TTC28: variants seen among roughly 807,000 people sequenced by gnomAD.
TTC28 encodes the protein tetratricopeptide repeat domain 28.
TTC28 carries 61 observed loss-of-function variants against 198.0 expected under a neutral mutation model. That is an observed-to-expected ratio of 0.31 (90% CI 0.25 to 0.38). The LOEUF is 0.38. Among genes scored for constraint, TTC28 ranks in the 10% least tolerant of loss-of-function variants. The probability of loss-of-function intolerance (pLI) is 1.00; values close to 1 mark genes in which losing one functional copy is unlikely to be tolerated. For synonymous variants in TTC28, 1,171 were observed against 1,297.8 expected, an observed-to-expected ratio of 0.90 and a Z score of 2.10; for missense variants, 2,678 against 3,164.0, an observed-to-expected ratio of 0.85 and a Z score of 3.69.
intron 5 of TTC28, among the ~76,000 whole-genome samples, chr22:28,217,641 A>T (rs1927511479): frequency 6.6e-6 from 1 of 152,222 alleles, no homozygotes; most frequent in African/African-American, 2.4e-5. Flanking sequence ...GGCATGTAAG[A>T]ACAAGAAGCA....
At chr22:28,518,652 A>C (rs2048839476) in intron 2 of TTC28, among the ~76,000 whole-genome samples, 1 of 152,240 alleles carries the variant, frequency 6.6e-6, no homozygotes, top group Non-Finnish European at 1.5e-5. Context: ...AATAAGTATA[A>C]ACACATACAA....
intron 5 of TTC28, among the ~76,000 whole-genome samples, chr22:28,233,101 T>C (rs1037677587): frequency 6.6e-5 from 10 of 150,614 alleles, no homozygotes; most frequent in Middle Eastern, 3.4e-3. Context: ...AAACTCTGTC[T>C]CAAAAAAAAA....
At chr22:28,433,040 G>C (rs1378136610) in intron 2 of TTC28, among the ~76,000 whole-genome samples, 1 of 152,176 alleles carries the variant, frequency 6.6e-6, no homozygotes, top group African/African-American at 2.4e-5. Context: ...GCTACATCAA[G>C]TGGTTATATG....
rs553045860 is a variant in TTC28, at chr22:28,508,875, T to G, written c.381+120677A>C. Among the ~76,000 whole-genome samples the G allele has an allele frequency of 2.0e-5, 3 of 152,200 alleles. No homozygotes were observed. In the South Asian group the frequency reaches 6.2e-4, roughly 32 times the overall value. ...GACCTGAACTCAGTTCTGGATCAAGTGGACCTGATAGAGATCTACAGAACT... is the reference window on the plus strand; with the variant it reads ...GACCTGAACTCAGTTCTGGATCAAGGGGACCTGATAGAGATCTACAGAACT... On this transcript the variant is annotated intron_variant, in intron 2 of 22. Coordinates refer to ENST00000397906, the MANE Select transcript of TTC28 (RefSeq NM_001145418.2).
chr22:28,309,436 A>G (rs1056735288), intron 2 of TTC28, among the ~76,000 whole-genome samples: 1 of 152,206 alleles, frequency 6.6e-6, no homozygotes, highest in Non-Finnish European at 1.5e-5. Context: ...TCTGAGCGAG[A>G]TAACAGCCAC....
intron 2 of TTC28, among the ~76,000 whole-genome samples, chr22:28,439,414 C>T (rs935926035): frequency 3.3e-5 from 5 of 152,150 alleles, no homozygotes; most frequent in Non-Finnish European, 7.4e-5. Flanking sequence ...AAAGCTCTGG[C>T]TAACATTCAT....
chr22:28,092,629 T>C (rs1789362127), intron 12 of TTC28, among the ~76,000 whole-genome samples: 1 of 152,118 alleles, frequency 6.6e-6, no homozygotes, highest in African/African-American at 2.4e-5. Flanking sequence ...GGTCAGGTTA[T>C]AGTCTAATCA....
At chr22:28,502,105 C>G (rs1281217528) in intron 2 of TTC28, among the ~76,000 whole-genome samples, 1 of 152,166 alleles carries the variant, frequency 6.6e-6, no homozygotes, top group East Asian at 1.9e-4. Context: ...AATAGAATTA[C>G]TATTTTTGGT....
chr22:28,679,793 G>A lies in TTC28; in HGVS notation c.-70C>T. ...CCAGCTAGGCGCGCGCGCCGGTTCCGCGCGCCATGTTCCCGCCGTGCTGCG... is the reference window on the plus strand; with the variant it reads ...CCAGCTAGGCGCGCGCGCCGGTTCCACGCGCCATGTTCCCGCCGTGCTGCG... On this transcript the variant is annotated 5_prime_UTR_variant, in exon 1 of 23. Coordinates refer to ENST00000397906, the MANE Select transcript of TTC28 (RefSeq NM_001145418.2). 3.7e-6 allele frequency: 2 copies of A among 544,572 alleles called. No individual in the cohort carries two copies. Among genetic ancestry groups the A allele is most frequent in the Non-Finnish European group, 5.1e-6 (2 of 394,688 alleles). The allele number at this position is 544,572 out of a possible 1,614,324, so 33.7% of individuals were successfully genotyped here.
chr22:28,168,930 A>C (rs1470300809), intron 5 of TTC28, among the ~76,000 whole-genome samples: 3 of 152,240 alleles, frequency 2.0e-5, no homozygotes, highest in Non-Finnish European at 2.9e-5. Flanking sequence ...TCATTTGACA[A>C]AGGGCTAATA....
chr22:28,537,641 CAT>C (rs759838294), intron 2 of TTC28, among the ~76,000 whole-genome samples: 13 of 152,036 alleles, frequency 8.6e-5, no homozygotes, highest in East Asian at 1.9e-4. Context: ...AAATTTTGTA[CAT>C]GTTTACAAAA....
intron 2 of TTC28, among the ~76,000 whole-genome samples, chr22:28,572,475 T>C (rs2050079289): frequency 6.6e-6 from 1 of 152,196 alleles, no homozygotes; most frequent in African/African-American, 2.4e-5. Flanking sequence ...GAACAAATTA[T>C]GACTATATCA....
intron 5 of TTC28, among the ~76,000 whole-genome samples, chr22:28,251,225 C>A (rs926239028): frequency 1.1e-4 from 17 of 152,152 alleles, no homozygotes; most frequent in African/African-American, 3.1e-4. Context: ...TGAAAGGAGA[C>A]ACAGATGGGA....
chr22:28,016,109 G>A (rs1020487015), intron 13 of TTC28, among the ~76,000 whole-genome samples: 11 of 152,094 alleles, frequency 7.2e-5, no homozygotes, highest in African/African-American at 2.2e-4. Flanking sequence ...CCAGCCTGGT[G>A]CCTGTGAGAG....
intron 5 of TTC28, among the ~76,000 whole-genome samples, chr22:28,249,284 T>C (rs139749926): frequency 7.9e-5 from 12 of 152,136 alleles, no homozygotes; most frequent in African/African-American, 2.9e-4. Flanking sequence ...GAGGATTAAA[T>C]AAGTGAATGC....
At chr22:28,172,262 T>C (rs992864213) in intron 5 of TTC28, among the ~76,000 whole-genome samples, 1 of 152,134 alleles carries the variant, frequency 6.6e-6, no homozygotes, top group African/African-American at 2.4e-5. Flanking sequence ...TGAGCCTTGG[T>C]TTTCCAGACA....
chr22:28,346,030 C>T (rs2045897884), intron 2 of TTC28, among the ~76,000 whole-genome samples: 1 of 152,092 alleles, frequency 6.6e-6, no homozygotes, highest in Non-Finnish European at 1.5e-5. Flanking sequence ...GGAAAACAAA[C>T]ATTATCAAAT....
At chr22:28,099,363 T>C (rs1169678803) in intron 9 of TTC28, among the ~76,000 whole-genome samples, 1 of 152,252 alleles carries the variant, frequency 6.6e-6, no homozygotes, top group Non-Finnish European at 1.5e-5. Context: ...GAGCCACTAT[T>C]GTCTTTAAAA....
intron 1 of TTC28, among the ~76,000 whole-genome samples, chr22:28,675,529 AC>A (rs2051968926): frequency 6.6e-6 from 1 of 152,034 alleles, no homozygotes; most frequent in Non-Finnish European, 1.5e-5. Context: ...AGGCTGGTGG[AC>A]CACTTGAGCC....
Sources: gnomAD v4.1 joint callset for allele counts (sites outside exome capture counted in the v4.1 genomes callset) on GRCh38, gnomAD v4.1.1 for gene constraint, MANE v1.5 for transcripts, NCBI Gene and HGNC (gene_info 2026-07-23, HGNC 2026-07-21) for gene names.